SPTA1: variants seen among roughly 807,000 people sequenced by gnomAD.
SPTA1 encodes the protein spectrin alpha, erythrocytic 1, also known as spectrin alpha chain, erythrocytic 1.
Under a neutral mutation model 324.7 loss-of-function variants are expected in SPTA1, and 177 were observed. That is an observed-to-expected ratio of 0.55 (90% CI 0.48 to 0.62). The LOEUF (loss-of-function observed/expected upper bound fraction) is 0.62, where lower values mean the gene tolerates loss of function less well. SPTA1 is among the 20% of genes least tolerant of loss of function. The pLI is 0.00. For missense variants in SPTA1, 3,162 were observed against 2,883.6 expected (o/e 1.10, Z -2.21); for synonymous variants, 1,195 against 1,041.3 (o/e 1.15, Z -2.84).
At position 158,671,372 on chromosome 1, in the gene SPTA1, C is replaced by T; in HGVS notation, c.1570G>A (p.Ala524Thr). 6.2e-7 allele frequency: 1 copy of T among 1,613,606 alleles called. No homozygotes were observed. Among genetic ancestry groups the T allele is most frequent in the Non-Finnish European group, 8.5e-7 (1 of 1,179,900 alleles). Residue 524 changes from alanine (A) to threonine (T), a missense_variant, in exon 12 of 52, where the codon GCC (alanine) becomes ACC (threonine). Transcript: ENST00000643759. ...ATCTTCTCTTCCTGGGCAGTAAAGGCTTCCTCAAAGTCTTCATGCTTCTGA... is the reference window on the plus strand; with the variant it reads ...ATCTTCTCTTCCTGGGCAGTAAAGGTTTCCTCAAAGTCTTCATGCTTCTGA... ...LLQKHEDFEE[A>T]FTAQEEKIIT...
intron 16 of SPTA1, among the ~76,000 whole-genome samples, chr1:158,664,299 C>T (rs771337005): frequency 1.3e-5 from 2 of 152,118 alleles, no homozygotes; most frequent in African/African-American, 4.8e-5. Flanking sequence ...CTATGATAGA[C>T]TGGATAAAGA....
intron 2 of SPTA1, 58 bp from the exon 3 acceptor site, chr1:158,683,554 T>A: frequency 6.2e-7 from 1 of 1,607,416 alleles, no homozygotes; most frequent in Non-Finnish European, 8.5e-7. Flanking sequence ...TGGGAAATGT[T>A]CACTCTATGT....
chr1:158,681,500 G>T (rs1654805335), intron 4 of SPTA1, 27 bp downstream of exon 4: 2 of 1,613,274 alleles, frequency 1.2e-6, no homozygotes, highest in Non-Finnish European at 8.5e-7. Flanking sequence ...GGGAGGCCCT[G>T]TGTGATTGCT....
rs188840804 is a variant in SPTA1 at position 158,676,165 on chromosome 1, T to C, written c.1088A>G (p.Tyr363Cys). 6.9e-5 allele frequency: 111 copies of C among 1,613,716 alleles called. No homozygotes were observed. The East Asian group carries it at 1.7e-3, about 25-fold the overall frequency. The change falls in exon 8 of 52, where the codon TAT becomes TGT. Residue 363 changes from tyrosine (Y) to cysteine (C), a missense_variant. Physicochemically the swap from Tyr to Cys is radical, Grantham distance 194 (BLOSUM62 -2). Coordinates refer to ENST00000643759, the MANE Select transcript of SPTA1 (RefSeq NM_003126.4). The part of the protein sequence containing the change: ...EHIRALATSR[Y>C]EKLQATYWYH... ...CCAATAAGTAGCCTGCAGTTTTTCATATCTGCTGGTGGCCAGGGCACGAAT... is the reference window on the plus strand; with the variant it reads ...CCAATAAGTAGCCTGCAGTTTTTCACATCTGCTGGTGGCCAGGGCACGAAT...
chr1:158,643,506 A>G (rs1651770161), intron 30 of SPTA1, 81 bp from the exon 31 acceptor site: 2 of 1,325,076 alleles, frequency 1.5e-6, no homozygotes, highest in Non-Finnish European at 2.2e-6. Context: ...CTAGAAAAGA[A>G]TGAAGGTATC....
chr1:158,615,638 GAGTT>G (rs1046267006), intron 47 of SPTA1, among the ~76,000 whole-genome samples: 15 of 152,168 alleles, frequency 9.9e-5, no homozygotes, highest in African/African-American at 3.6e-4. Context: ...ATAAATCTAA[GAGTT>G]AGTAGTTATA....
Position 158,674,521 on chromosome 1 carries a change from G to A in SPTA1, c.1248+19C>T. The A allele has an allele frequency of 6.2e-7, 1 of 1,613,978 alleles. No homozygotes were observed. Among genetic ancestry groups the A allele is most frequent in the South Asian group, 1.1e-5 (1 of 91,078 alleles). ...AATAACCTGCCCCCTCCTCCTACTG[G>A]GCAGCCTTTCTTCTCTACCTTATGC... On this transcript the variant is annotated intron_variant, in intron 9 of 51. Transcript: ENST00000643759.
chr1:158,680,563 A>G lies in SPTA1; in HGVS notation c.678+20T>C, dbSNP rs1319325597. The G allele has an allele frequency of 6.2e-7, 1 of 1,613,550 alleles. No homozygotes were observed. The highest frequency in any genetic ancestry group is 8.5e-7 in the Non-Finnish European group (1 of 1,179,736). ...GATAAGAACCCTTTGCACGGAGTGA[A>G]TATTTTGCTCCCACCTCACCTCGGC... On this transcript the variant is annotated intron_variant, in intron 5 of 51. Coordinates refer to ENST00000643759, the MANE Select transcript of SPTA1 (RefSeq NM_003126.4).
chr1:158,676,718 A>G (rs779231096), intron 7 of SPTA1, among the ~76,000 whole-genome samples: 15 of 152,092 alleles, frequency 9.9e-5, no homozygotes, highest in Non-Finnish European at 2.1e-4. Flanking sequence ...GCAGAAAGAC[A>G]TTTCTGTCCA....
chr1:158,682,007 A>G (rs537380747), intron 3 of SPTA1, among the ~76,000 whole-genome samples: 167 of 152,194 alleles, frequency 1.1e-3, no homozygotes, highest in Non-Finnish European at 1.8e-3. Context: ...TGACAGGTCA[A>G]TCATAAGCAT....
chr1:158,674,290 T>G (rs367881988), intron 10 of SPTA1, 39 bp downstream of exon 10: 2 of 1,560,856 alleles, frequency 1.3e-6, no homozygotes, highest in Non-Finnish European at 1.8e-6. Flanking sequence ...TGACTACATA[T>G]ATAATTGGAA....
rs568659941 is a variant in SPTA1 at position 158,620,536 on chromosome 1, A to G, written c.6121-70T>C. On this transcript the variant is annotated intron_variant, in intron 43 of 51. Coordinates refer to ENST00000643759, the MANE Select transcript of SPTA1 (RefSeq NM_003126.4). The stretch of plus-strand genomic sequence containing the variant: ...CTCTCAGCAGAAGAGAAGATTGAGG[A>G]TAAAAATAATGCCTGTCTTTAAATA... 5.3e-5 allele frequency: 84 copies of G among 1,581,452 alleles called. No individual in the cohort carries two copies. The African/African-American group carries it at 1.1e-3, about 20-fold the overall frequency.
At chr1:158,672,638 A>G (rs565722716) in intron 10 of SPTA1, among the ~76,000 whole-genome samples, 1 of 152,344 alleles carries the variant, frequency 6.6e-6, no homozygotes, top group East Asian at 1.9e-4. Context: ...AGCACATAAA[A>G]CATCACACTG....
intron 3 of SPTA1, 115 bp from the exon 4 acceptor site, chr1:158,681,782 T>C: frequency 7.5e-7 from 1 of 1,336,858 alleles, no homozygotes; most frequent in Non-Finnish European, 1.1e-6. Flanking sequence ...TACTCATGCA[T>C]TAGTTGCTCA....
intron 50 of SPTA1, 137 bp from the exon 51 acceptor site, chr1:158,613,098 G>A (rs1448530885): frequency 3.2e-6 from 3 of 927,268 alleles, no homozygotes; most frequent in African/African-American, 3.3e-5. Flanking sequence ...TTTCTGGGAT[G>A]AGATGGGTTA....
chr1:158,669,365 G>A, intron 14 of SPTA1, 43 bp downstream of exon 14: 1 of 1,613,156 alleles, frequency 6.2e-7, no homozygotes, highest in East Asian at 2.2e-5. Context: ...CCAATGAAAG[G>A]AACTCCTGAT....
chr1:158,633,661 G>GAAAAAAA (rs1036389907), intron 39 of SPTA1, among the ~76,000 whole-genome samples: 1 of 61,228 alleles, frequency 1.6e-5, no homozygotes, highest in African/African-American at 5.1e-5. Flanking sequence ...ACTCTGTCTC[G>GAAAAAAA]AAAAAAAAAA....
chr1:158,643,249 C>A (rs1026022418), intron 31 of SPTA1, 73 bp downstream of exon 31: 3 of 1,524,588 alleles, frequency 2.0e-6, no homozygotes, highest in Admixed American at 1.7e-5. Context: ...AGTATTCCCC[C>A]ATCTCAATGC....
chr1:158,679,452 A>G (rs111685450), intron 5 of SPTA1, among the ~76,000 whole-genome samples: 12 of 152,218 alleles, frequency 7.9e-5, no homozygotes, highest in African/African-American at 2.4e-4. Context: ...GTAATTTTCT[A>G]TGAGTTCCAG....
Sources: allele counts gnomAD v4.1 joint callset (sites outside exome capture counted in the v4.1 genomes callset), GRCh38; gene constraint gnomAD v4.1.1; transcripts MANE v1.5; gene names NCBI Gene and HGNC (gene_info 2026-07-23, HGNC 2026-07-21).